Variants in ARL3 observed in about 807,000 individuals in gnomAD.
The protein encoded by ARL3 is ARF like GTPase 3, also known as ADP-ribosylation factor-like protein 3.
ARL3 carries 9 observed loss-of-function variants against 26.0 expected under a neutral mutation model. The ratio of observed to expected loss-of-function variants is 0.35; its 90% CI spans 0.21 to 0.60. The LOEUF is 0.60. Among genes scored for constraint, ARL3 ranks in the 20% least tolerant of loss-of-function variants. The pLI, the probability that ARL3 is intolerant of heterozygous loss-of-function variation, is 0.78. For synonymous variants in ARL3, 71 were observed against 78.4 expected, an observed-to-expected ratio of 0.91 and a Z score of 0.50; for missense variants, 158 against 215.7, an observed-to-expected ratio of 0.73 and a Z score of 1.67.
chr10:102,685,619 G>T (rs1157762991), intron 5 of ARL3, among the ~76,000 whole-genome samples, 197 bp downstream of exon 5: 2 of 152,148 alleles, frequency 1.3e-5, no homozygotes, highest in African/African-American at 4.8e-5. Flanking sequence ...CTGCACATGT[G>T]GGGTGGCTTA....
At position 102,681,773 on chromosome 10, in the gene ARL3, A is replaced by C. The variant is rs142792934; in HGVS notation, c.501+4043T>G. The stretch of plus-strand genomic sequence containing the variant: ...GCTAGAGGTCAGGTTAAAACTTCGG[A>C]TCTCTGCTTTGAGAGGAAATTCAAA... On this transcript the variant is annotated intron_variant, in intron 5 of 5. Transcript: ENST00000260746. Among the ~76,000 whole-genome samples, 1,224 of 152,276 alleles carry C rather than the reference A, an allele frequency of 8.0e-3. 13 individuals carry two copies. Among genetic ancestry groups the C allele is most frequent in the Middle Eastern group, 0.034 (10 of 294 alleles).
At chr10:102,686,067 A>G (rs936914628) in intron 4 of ARL3, 66 bp from the exon 5 acceptor site, 28 of 1,259,492 alleles carry the variant, frequency 2.2e-5, no homozygotes, top group East Asian at 1.5e-4. Flanking sequence ...TTAACCATAC[A>G]CTACTTTTTT....
Position 102,680,399 on chromosome 10 carries a change from C to T in ARL3, c.502-3458G>A, listed in dbSNP as rs935045819. 9.2e-5 allele frequency among the ~76,000 whole-genome samples: 14 copies of T among 152,136 alleles called. 1 individual carries two copies. The highest frequency in any genetic ancestry group is 2.2e-4 in the African/African-American group (9 of 41,428). ...CTGAAACTGAATTTGAATTGATTAG[C>T]TTCAATTCAATAACAGAGACTAAAG... is the stretch of plus-strand genomic sequence containing the variant. On this transcript the variant is annotated intron_variant, in intron 5 of 5. Transcript: ENST00000260746.
intron 5 of ARL3, among the ~76,000 whole-genome samples, chr10:102,682,112 C>T (rs1488701970): frequency 1.3e-5 from 2 of 152,168 alleles, no homozygotes; most frequent in African/African-American, 2.4e-5. Flanking sequence ...GTGACACTTC[C>T]TCCATGTTGA....
intron 3 of ARL3, among the ~76,000 whole-genome samples, chr10:102,698,760 C>A (rs985662496): frequency 6.6e-6 from 1 of 152,176 alleles, no homozygotes; most frequent in Non-Finnish European, 1.5e-5. Flanking sequence ...CAGGGTATTC[C>A]CAATGCACGA....
At chr10:102,677,133 T>A (rs1025004501) in intron 5 of ARL3, among the ~76,000 whole-genome samples, 192 bp from the exon 6 acceptor site, 3 of 151,532 alleles carry the variant, frequency 2.0e-5, no homozygotes, top group Admixed American at 6.6e-5. Flanking sequence ...AGGAGGGAGG[T>A]CTCTGAGAGC....
Position 102,710,113 on chromosome 10 carries a change from T to C in ARL3, c.3+4160A>G, listed in dbSNP as rs1355541395. Among the ~76,000 whole-genome samples the C allele has an allele frequency of 2.0e-5, 3 of 152,324 alleles. 1 individual carries two copies. The highest frequency in any genetic ancestry group is 7.2e-5 in the African/African-American group (3 of 41,554). Reference sequence around the variant, plus strand: ...ACAGTGCTTCTACATTTCTAATGAGTAATTTTCCTTATTAGGAAATAATAA... The same window carrying C: ...ACAGTGCTTCTACATTTCTAATGAGCAATTTTCCTTATTAGGAAATAATAA... On this transcript the variant is annotated intron_variant, in intron 1 of 5. Coordinates refer to ENST00000260746, the MANE Select transcript of ARL3 (RefSeq NM_004311.4).
rs183801805 is a variant in ARL3 at position 102,700,280 on chromosome 10, A to G, written c.148-791T>C. ...AAAAATTAGCCAGGCGTGTTGGCGC[A>G]TGCCTGGAGTCCCAGCTACTCAGGA... On this transcript the variant is annotated intron_variant, in intron 2 of 5. Coordinates refer to ENST00000260746, the MANE Select transcript of ARL3 (RefSeq NM_004311.4). Among the ~76,000 whole-genome samples, 95 of 151,710 alleles carry G rather than the reference A, an allele frequency of 6.3e-4. 1 individual carries two copies. The highest frequency in any genetic ancestry group is 2.2e-3 in the African/African-American group (90 of 41,428).
chr10:102,683,660 T>C (rs1400130828), intron 5 of ARL3, among the ~76,000 whole-genome samples: 1 of 152,180 alleles, frequency 6.6e-6, no homozygotes, highest in African/African-American at 2.4e-5. Flanking sequence ...TATTTTGCAG[T>C]GCTCCCCTGC....
At chr10:102,708,908 A>ATATATATATATATATATATTTTT in intron 1 of ARL3, among the ~76,000 whole-genome samples, 1 of 95,350 alleles carries the variant, frequency 1.0e-5, no homozygotes, top group African/African-American at 4.2e-5. Context: ...ATATATATAT[A>ATATATATATATATATATATTTTT]TTTTTTTTTT....
intron 1 of ARL3, among the ~76,000 whole-genome samples, chr10:102,705,921 C>T (rs968432327): frequency 6.6e-6 from 1 of 152,116 alleles, no homozygotes; most frequent in Non-Finnish European, 1.5e-5. Flanking sequence ...ACTTATCAAA[C>T]AGACACTAGA....
intron 1 of ARL3, among the ~76,000 whole-genome samples, chr10:102,713,552 T>C (rs2064360199): frequency 1.3e-5 from 2 of 152,212 alleles, no homozygotes; most frequent in African/African-American, 4.8e-5. Flanking sequence ...AGCTAATATG[T>C]CTTCATCAAC....
chr10:102,707,336 A>C (rs1205962151), intron 1 of ARL3, among the ~76,000 whole-genome samples: 1 of 152,134 alleles, frequency 6.6e-6, no homozygotes, highest in African/African-American at 2.4e-5. Flanking sequence ...GAAAACAAAG[A>C]AAAAATAAAT....
chr10:102,685,966 A>G lies in ARL3; in HGVS notation c.351T>C (p.Ser117=). Reference sequence around the variant, plus strand: ...TAGCAAAGATGAGCACTGGCACACAACTTAGTTTTTCTTCCTCCAGTAATT... The same window carrying G: ...TAGCAAAGATGAGCACTGGCACACAGCTTAGTTTTTCTTCCTCCAGTAATT... ...LAELLEEEKL[S]CVPVLIFANK... Residue 117 remains serine (S), a synonymous_variant, in exon 5 of 6, where the codon AGT becomes AGC. Transcript: ENST00000260746. The G allele has an allele frequency of 4.3e-6, 7 of 1,613,812 alleles. No homozygotes were observed. The highest frequency in any genetic ancestry group is 5.9e-6 in the Non-Finnish European group (7 of 1,179,920).
chr10:102,674,161 G>GAGGA lies in ARL3; in HGVS notation c.*2729_*2732dup, dbSNP rs1341996386. ...AGAGAGAAGTGGAGACGGAGGGAGG[G>GAGGA]AGGAAGGAAGGGGGCAGGACCATGT... is the stretch of plus-strand genomic sequence containing the variant. On this transcript the variant is annotated 3_prime_UTR_variant, in exon 6 of 6. Transcript: ENST00000260746. The GAGGA allele has an allele frequency of 2.5e-4, 38 of 152,734 alleles. No individual in the cohort carries two copies. The highest frequency in any genetic ancestry group is 2.2e-4 in the Non-Finnish European group (15 of 68,094). 9.5% of individuals were successfully genotyped at this position (152,734 alleles called of 1,614,324 possible). A position where few individuals can be genotyped will look rare whatever the true frequency, so the allele number is the denominator to read the frequency against.
In ARL3 at chr10:102,675,440, G is replaced by C. The variant is rs1287356475; in HGVS notation, c.*1454C>G. Reference sequence around the variant, plus strand: ...TGGGCTTGGGAAGGGCCACCTCCCAGGATGAGAAGGCAGCTGGCCCCCAGG... The same window carrying C: ...TGGGCTTGGGAAGGGCCACCTCCCACGATGAGAAGGCAGCTGGCCCCCAGG... On this transcript the variant is annotated 3_prime_UTR_variant, in exon 6 of 6. Coordinates refer to ENST00000260746, the MANE Select transcript of ARL3 (RefSeq NM_004311.4). 1 of 152,316 alleles carries C rather than the reference G, an allele frequency of 6.6e-6. No homozygotes were observed. Among genetic ancestry groups the C allele is most frequent in the East Asian group, 1.9e-4 (1 of 5,202 alleles). 9.4% of individuals were successfully genotyped at this position (152,316 alleles called of 1,614,324 possible).
chr10:102,707,765 C>A (rs1399888939), intron 1 of ARL3, among the ~76,000 whole-genome samples: 1 of 152,154 alleles, frequency 6.6e-6, no homozygotes, highest in African/African-American at 2.4e-5. Context: ...ACCACATTAA[C>A]CTTTCTATGC....
chr10:102,688,341 G>GGTAT (rs1442546022), intron 4 of ARL3, among the ~76,000 whole-genome samples: 2 of 152,076 alleles, frequency 1.3e-5, no homozygotes, highest in African/African-American at 4.8e-5. Flanking sequence ...AAATCATCAG[G>GGTAT]GTATGGAAGG....
At chr10:102,707,396 G>C (rs2064315728) in intron 1 of ARL3, among the ~76,000 whole-genome samples, 1 of 151,828 alleles carries the variant, frequency 6.6e-6, no homozygotes, top group Non-Finnish European at 1.5e-5. Context: ...TTATAGGAAA[G>C]TTATTTGTTC....
Sources: gnomAD v4.1 joint callset for allele counts (sites outside exome capture counted in the v4.1 genomes callset) on GRCh38, gnomAD v4.1.1 for gene constraint, MANE v1.5 for transcripts, NCBI Gene and HGNC (gene_info 2026-07-23, HGNC 2026-07-21) for gene names.